The following EIF3H variants were observed in gnomAD, a reference collection of about 807,000 sequenced individuals.
EIF3H encodes the protein eIF-3-gamma.
Under a neutral mutation model 44.2 loss-of-function variants are expected in EIF3H, and 26 were observed. The observed-to-expected ratio is 0.59, with a 90% CI of 0.43 to 0.82. The LOEUF (loss-of-function observed/expected upper bound fraction) is 0.82. EIF3H is among the 40% of genes least tolerant of loss of function. EIF3H has a pLI of 0.00. For synonymous variants in EIF3H, 166 were observed against 151.9 expected (o/e 1.09, Z -0.68); for missense variants, 359 against 432.8 (o/e 0.83, Z 1.51).
intron 1 of EIF3H, among the ~76,000 whole-genome samples, chr8:116,741,459 ATGTG>A (rs760811739): frequency 6.6e-6 from 1 of 152,200 alleles, no homozygotes. Flanking sequence ...CTGTATACAT[ATGTG>A]TGTTTATGTG....
chr8:116,701,816 C>A (rs1814380379), intron 2 of EIF3H, among the ~76,000 whole-genome samples: 1 of 152,098 alleles, frequency 6.6e-6, no homozygotes, highest in African/African-American at 2.4e-5. Context: ...ACAATGAAAT[C>A]CAACATGGCA....
chr8:116,744,164 A>G (rs1019303185), intron 1 of EIF3H, among the ~76,000 whole-genome samples: 2 of 151,726 alleles, frequency 1.3e-5, no homozygotes, highest in Non-Finnish European at 2.9e-5. Context: ...ACTAATGGAC[A>G]GGAAATAAAA....
chr8:116,689,783 T>C (rs1481493087), intron 2 of EIF3H, among the ~76,000 whole-genome samples: 2 of 152,222 alleles, frequency 1.3e-5, no homozygotes, highest in South Asian at 2.1e-4. Flanking sequence ...ACCATGTTTA[T>C]ATTTATTAAA....
intron 2 of EIF3H, among the ~76,000 whole-genome samples, chr8:116,684,395 A>C (rs866926977): frequency 1.3e-5 from 2 of 152,314 alleles, no homozygotes; most frequent in Middle Eastern, 3.4e-3. Context: ...TAAAGTGAAG[A>C]TCTAGAATGA....
intron 1 of EIF3H, chr8:116,734,149 C>T (rs563016904): frequency 2.5e-6 from 1 of 393,706 alleles, no homozygotes; most frequent in Non-Finnish European, 4.9e-6. Context: ...AAAAGGGTGT[C>T]CAAGATCCTC....
intron 2 of EIF3H, among the ~76,000 whole-genome samples, chr8:116,718,688 A>T (rs890034208): frequency 7.1e-6 from 1 of 141,328 alleles, no homozygotes; most frequent in African/African-American, 2.6e-5. Flanking sequence ...ATGCAAAGGC[A>T]TAAGACCGAT....
At chr8:116,742,948 G>T (rs1054016145) in intron 1 of EIF3H, among the ~76,000 whole-genome samples, 2 of 152,228 alleles carry the variant, frequency 1.3e-5, no homozygotes, top group Non-Finnish European at 1.5e-5. Context: ...GCGCACCACA[G>T]TAAGTCCACA....
chr8:116,696,253 A>C, intron 2 of EIF3H, among the ~76,000 whole-genome samples: 1 of 152,226 alleles, frequency 6.6e-6, no homozygotes, highest in East Asian at 1.9e-4. Flanking sequence ...TAATTGATGG[A>C]AACATTGCAA....
At chr8:116,681,311 G>A (rs930084462) in intron 2 of EIF3H, among the ~76,000 whole-genome samples, 18 of 152,188 alleles carry the variant, frequency 1.2e-4, no homozygotes, top group South Asian at 8.3e-4. Context: ...GTAGTGAGCC[G>A]AGATCAGGCC....
chr8:116,711,175 C>T (rs1814567399), intron 2 of EIF3H, among the ~76,000 whole-genome samples: 1 of 152,054 alleles, frequency 6.6e-6, no homozygotes. Context: ...CTGAAAAAAA[C>T]ATCAGAGTCT....
chr8:116,730,121 C>A (rs1814927088), intron 1 of EIF3H, among the ~76,000 whole-genome samples: 1 of 152,206 alleles, frequency 6.6e-6, no homozygotes, highest in Non-Finnish European at 1.5e-5. Context: ...ACTAAAACCT[C>A]AGTTCTTTAG....
At chr8:116,676,873 T>G (rs771818411) in intron 2 of EIF3H, among the ~76,000 whole-genome samples, 21 of 152,264 alleles carry the variant, frequency 1.4e-4, no homozygotes, top group Non-Finnish European at 2.5e-4. Context: ...GTCTACATTT[T>G]CCAAATAAGC....
intron 1 of EIF3H, among the ~76,000 whole-genome samples, chr8:116,733,704 C>T (rs938188297): frequency 1.3e-5 from 2 of 151,738 alleles, no homozygotes; most frequent in Non-Finnish European, 2.9e-5. Flanking sequence ...ATCAGAAATT[C>T]AAACCAAGAA....
At chr8:116,747,773 T>C (rs1334499081) in intron 1 of EIF3H, among the ~76,000 whole-genome samples, 5 of 152,214 alleles carry the variant, frequency 3.3e-5, no homozygotes, top group African/African-American at 9.6e-5. Flanking sequence ...ACACATGTGA[T>C]AGCCTGGCAT....
At chr8:116,708,242 T>C (rs1416928609) in intron 2 of EIF3H, among the ~76,000 whole-genome samples, 1 of 152,026 alleles carries the variant, frequency 6.6e-6, no homozygotes, top group Admixed American at 6.6e-5. Context: ...CAAAAAATAA[T>C]GGGCACATGA....
intron 2 of EIF3H, chr8:116,697,276 T>G (rs1160419161): frequency 2.3e-6 from 1 of 441,892 alleles, no homozygotes; most frequent in African/African-American, 2.0e-5. Flanking sequence ...GAATAGATTT[T>G]TAGGGGTTTT....
chr8:116,678,656 G>C (rs1461206114), intron 2 of EIF3H, among the ~76,000 whole-genome samples: 1 of 147,388 alleles, frequency 6.8e-6, no homozygotes, highest in African/African-American at 2.5e-5. Context: ...CCCTGTCTGG[G>C]ATGTGAGGAG....
At chr8:116,655,563 C>T (rs1265606420) in intron 5 of EIF3H, among the ~76,000 whole-genome samples, 1 of 152,044 alleles carries the variant, frequency 6.6e-6, no homozygotes, top group African/African-American at 2.4e-5. Flanking sequence ...AAAAGCCCTC[C>T]CTCTTGGGCA....
chr8:116,659,265 C>T (rs535556544), intron 2 of EIF3H, among the ~76,000 whole-genome samples: 4 of 152,050 alleles, frequency 2.6e-5, no homozygotes, highest in Non-Finnish European at 2.9e-5. Flanking sequence ...TTAAATGTGG[C>T]GTCTAACTCC....
Sources: gnomAD v4.1 joint callset for allele counts (sites outside exome capture counted in the v4.1 genomes callset) on GRCh38, gnomAD v4.1.1 for gene constraint, MANE v1.5 for transcripts, NCBI Gene and HGNC (gene_info 2026-07-23, HGNC 2026-07-21) for gene names.